The following GPR84 variants were observed in gnomAD, a reference collection of about 807,000 sequenced individuals.
GPR84 encodes G-protein coupled receptor 84.
GPR84 carries 8 observed loss-of-function variants against 14.9 expected under a neutral mutation model. The ratio of observed to expected loss-of-function variants is 0.54; its 90% CI spans 0.31 to 0.97. The LOEUF is 0.97. GPR84 is among the 50% of genes least tolerant of loss of function. GPR84 has a pLI of 0.04. For missense variants in GPR84, 424 were observed against 498.7 expected (o/e 0.85, Z 1.43); for synonymous variants, 164 against 198.1 (o/e 0.83, Z 1.45).
At chr12:54,353,732 T>C in the GPR84 span, 1 of 152,304 alleles carries the variant, frequency 6.6e-6, no homozygotes, top group Non-Finnish European at 1.5e-5. Context: ...GTTTCACCCA[T>C]GGGAGAGTAC....
chr12:54,363,668 G>A lies in GPR84; in HGVS notation c.184C>T (p.Leu62Phe), dbSNP rs147530929. Reference sequence around the variant, plus strand: ...CAGTAGAGGAGATCAGCCAGTGTGAGGTTGGCTATGAGCAGGTTGAATCGG... The same window carrying A: ...CAGTAGAGGAGATCAGCCAGTGTGAAGTTGGCTATGAGCAGGTTGAATCGG... ...RTRFNLLIAN[L>F]TLADLLYCTL... Residue 62 changes from leucine to phenylalanine, a missense_variant, in exon 2 of 2, where the codon CTC becomes TTC. By Grantham distance (22) the Leu-to-Phe change is conservative (BLOSUM62 0). Transcript: ENST00000267015. The A allele has an allele frequency of 3.7e-6, 6 of 1,613,956 alleles. No homozygotes were observed.
Position 54,363,110 on chromosome 12 carries a change from C to A in GPR84, c.742G>T (p.Gly248Ter). 1 of 1,614,232 alleles carries A rather than the reference C, an allele frequency of 6.2e-7. No homozygotes were observed. The highest frequency in any genetic ancestry group is 1.1e-5 in the South Asian group (1 of 91,088). ...FQELDSRLAS[G>*]GPSEGISSEP... ...GATGAAATCCCCTCACTGGGTCCTC[C>A]TGATGCTAACCTGCTGTCCAGCTCC... The change falls in exon 2 of 2, where the codon GGA (glycine) becomes TGA (stop). Residue 248 changes from glycine to a stop codon, truncating the protein, a stop_gained. Coordinates refer to ENST00000267015, the MANE Select transcript of GPR84 (RefSeq NM_020370.3). LOFTEE classifies it low-confidence loss of function (END_TRUNC).
chr12:54,353,606 T>G, the GPR84 span: 1 of 152,508 alleles, frequency 6.6e-6, no homozygotes, highest in Non-Finnish European at 1.5e-5. Context: ...CACAATGTTC[T>G]GCAGCTACCT....
chr12:54,364,171 C>T, intron 1 of GPR84: 1 of 224,456 alleles, frequency 4.5e-6, no homozygotes, highest in Non-Finnish European at 8.9e-6. Context: ...TCTCAGTAAA[C>T]CCAGTGCCCT....
At chr12:54,352,165 G>C in the GPR84 span, among the ~76,000 whole-genome samples, 62 of 152,250 alleles carry the variant, frequency 4.1e-4, no homozygotes, top group Admixed American at 2.5e-3. Flanking sequence ...CCAGAGACGC[G>C]CACCTGCGTG....
downstream of GPR84, among the ~76,000 whole-genome samples, chr12:54,360,885 A>T (rs1954261574): frequency 6.6e-6 from 1 of 152,184 alleles, no homozygotes; most frequent in Non-Finnish European, 1.5e-5. Flanking sequence ...TAAATGTCTC[A>T]TTCTTCACTT....
chr12:54,352,520 G>C, the GPR84 span, among the ~76,000 whole-genome samples: 1 of 152,124 alleles, frequency 6.6e-6, no homozygotes, highest in Non-Finnish European at 1.5e-5. Flanking sequence ...TTTAAGGAGG[G>C]GGGAGTGTGG....
intron 1 of GPR84, 46 bp from the exon 2 acceptor site, chr12:54,363,905 C>T: frequency 2.3e-6 from 3 of 1,293,994 alleles, no homozygotes; most frequent in Non-Finnish European, 3.2e-6. Flanking sequence ...CAGAACCTAG[C>T]ATTCAACTTA....
Position 54,363,711 on chromosome 12 carries a change from G to C in GPR84, c.141C>G (p.Ile47Met). Reference protein sequence around the residue: ...GNVLTLLALAIQPKLRTRFNL... With the variant: ...GNVLTLLALAMQPKLRTRFNL... ...TGAATCGGGTACGGAGCTTGGGCTG[G>C]ATGGCCAAGGCCAGTAGGGTGAGCA... The change falls in exon 2 of 2, where the codon ATC becomes ATG. Residue 47 changes from isoleucine (I) to methionine (M), a missense_variant. Physicochemically the swap from Ile to Met is conservative, Grantham distance 10. Transcript: ENST00000267015. The C allele has an allele frequency of 6.2e-7, 1 of 1,613,992 alleles. No homozygotes were observed. Among genetic ancestry groups the C allele is most frequent in the Non-Finnish European group, 8.5e-7 (1 of 1,179,912 alleles).
In GPR84 at chr12:54,362,771, G is replaced by C; in HGVS notation, c.1081C>G (p.Leu361Val). 6.2e-7 allele frequency: 1 copy of C among 1,614,152 alleles called. No homozygotes were observed. The highest frequency in any genetic ancestry group is 1.3e-5 in the African/African-American group (1 of 75,042). Reference protein sequence around the residue: ...VHMLAANLTWLNGCINPVLYA... With the variant: ...VHMLAANLTWVNGCINPVLYA... Reference sequence around the variant, plus strand: ...AGCACAGGGTTGATGCAACCATTGAGCCAGGTGAGGTTGGCAGCAAGCATG... The same window carrying C: ...AGCACAGGGTTGATGCAACCATTGACCCAGGTGAGGTTGGCAGCAAGCATG... The change falls in exon 2 of 2, where the codon CTC (leucine) becomes GTC (valine). Residue 361 changes from leucine to valine, a missense_variant. Transcript: ENST00000267015. This position sits in a 1 kb window ranked among gnomAD's most constrained non-coding sequence, Gnocchi z 4.0.
At chr12:54,360,751 G>A (rs1259122852), downstream of GPR84, among the ~76,000 whole-genome samples, 1 of 152,102 alleles carries the variant, frequency 6.6e-6, no homozygotes, top group East Asian at 1.9e-4. Flanking sequence ...GGAGGGAGGG[G>A]ACAACATGCA....
the GPR84 span, among the ~76,000 whole-genome samples, chr12:54,356,659 A>G: frequency 7.9e-5 from 12 of 152,148 alleles, no homozygotes; most frequent in Admixed American, 7.9e-4. Flanking sequence ...GACGGCTGCT[A>G]GAGTTACCTC....
chr12:54,359,421 G>C (rs1425286034), downstream of GPR84, among the ~76,000 whole-genome samples: 2 of 151,288 alleles, frequency 1.3e-5, no homozygotes, highest in African/African-American at 2.4e-5. Flanking sequence ...CGACTGGGGA[G>C]GGGGCGGGGG....
rs1954280788 is a variant in GPR84, at chr12:54,362,610, C to T, written c.*51G>A. 2.4e-6 allele frequency: 3 copies of T among 1,226,214 alleles called. No individual in the cohort carries two copies. The highest frequency in any genetic ancestry group is 3.5e-6 in the Non-Finnish European group (3 of 862,820). The allele number at this position is 1,226,214 out of a possible 1,614,324, so 76.0% of individuals were successfully genotyped here. A position where few individuals can be genotyped will look rare whatever the true frequency, so the allele number is the denominator to read the frequency against. ...CACCTATTCTCCTATTACCTGGCCA[C>T]TTTGGTCCTGGAGGAGACAGTCCTG... On this transcript the variant is annotated 3_prime_UTR_variant, in exon 2 of 2. Transcript: ENST00000267015. The surrounding 1 kb of genome is among the most constrained non-coding windows in gnomAD (Gnocchi z 4.0).
downstream of GPR84, among the ~76,000 whole-genome samples, chr12:54,357,810 G>A (rs1455080913): frequency 6.6e-6 from 1 of 152,188 alleles, no homozygotes; most frequent in Admixed American, 6.5e-5. Context: ...GGACAGGGGG[G>A]AAATGGGCTT....
In GPR84 at chr12:54,363,245, G is replaced by A. The variant is rs373961597; in HGVS notation, c.607C>T (p.Arg203Cys). 27 of 1,614,164 alleles carry A rather than the reference G, an allele frequency of 1.7e-5. No individual in the cohort carries two copies. In the East Asian group the frequency reaches 1.8e-4, roughly 11 times the overall value. ...SVGIFYCLIH[R>C]QVKRAAQALD... Reference sequence around the variant, plus strand: ...GCCTGTGCTGCTCGTTTGACCTGGCGGTGGATGAGGCAATAGAAGATGCCA... The same window carrying A: ...GCCTGTGCTGCTCGTTTGACCTGGCAGTGGATGAGGCAATAGAAGATGCCA... The change falls in exon 2 of 2, where the codon CGC becomes TGC. Residue 203 changes from arginine (R) to cysteine (C), a missense_variant. Arg to Cys is a radical substitution (Grantham distance 180, BLOSUM62 -3). Transcript: ENST00000267015.
chr12:54,362,960 CT>C lies in GPR84; in HGVS notation c.891del (p.Ala298ProfsTer20). 1.2e-6 allele frequency: 2 copies of C among 1,614,230 alleles called. No individual in the cohort carries two copies. Among genetic ancestry groups the C allele is most frequent in the South Asian group, 1.1e-5 (1 of 91,088 alleles). ...CTTCTGGCTCCTTTAATTGGCTGGGCTTTGGCAGATGCTTCTGGAGGGCTTT... is the reference window on the plus strand; with the variant it reads ...CTTCTGGCTCCTTTAATTGGCTGGGCTTGGCAGATGCTTCTGGAGGGCTTT... ...AEKSPPEASA[K>X]AQPIKGARRA... On this transcript the variant is annotated frameshift_variant, in exon 2 of 2. Coordinates refer to ENST00000267015, the MANE Select transcript of GPR84 (RefSeq NM_020370.3). LOFTEE classifies it high-confidence loss of function. The surrounding 1 kb of genome is among the most constrained non-coding windows in gnomAD (Gnocchi z 4.0).
chr12:54,360,605 C>T (rs1381558006), downstream of GPR84, among the ~76,000 whole-genome samples: 1 of 152,172 alleles, frequency 6.6e-6, no homozygotes, highest in Non-Finnish European at 1.5e-5. Context: ...GTGCATGTTC[C>T]ATATTAGGAG....
At chr12:54,352,924 A>G in the GPR84 span, among the ~76,000 whole-genome samples, 1 of 152,190 alleles carries the variant, frequency 6.6e-6, no homozygotes, top group African/African-American at 2.4e-5. Context: ...GAGCTGGGGA[A>G]AAGCAATACT....
Sources: allele counts gnomAD v4.1 joint callset (sites outside exome capture counted in the v4.1 genomes callset), GRCh38; gene constraint gnomAD v4.1.1; non-coding constraint Gnocchi (gnomAD v3.1); transcripts MANE v1.5; gene names NCBI Gene and HGNC (gene_info 2026-07-23, HGNC 2026-07-21).